The following PACRG variants were observed in gnomAD, a reference collection of about 807,000 sequenced individuals.
PACRG encodes the protein parkin coregulated gene protein.
Under a neutral mutation model 29.7 loss-of-function variants are expected in PACRG, and 29 were observed. The observed-to-expected ratio is 0.98, with a 90% CI of 0.73 to 1.33. PACRG has a LOEUF of 1.33. PACRG is among the 40% of genes most tolerant of loss of function. The probability of loss-of-function intolerance (pLI) is 0.00; values close to 1 mark genes in which losing one functional copy is unlikely to be tolerated. For synonymous variants in PACRG, 116 were observed against 118.7 expected, an observed-to-expected ratio of 0.98 and a Z score of 0.15; for missense variants, 279 against 316.2, an observed-to-expected ratio of 0.88 and a Z score of 0.89.
intron 2 of PACRG, among the ~76,000 whole-genome samples, chr6:162,894,974 T>C (rs1434376872): frequency 6.6e-6 from 1 of 152,132 alleles, no homozygotes; most frequent in East Asian, 1.9e-4. Flanking sequence ...AAAAAAGTCA[T>C]TCTACTACAT....
intron 1 of PACRG, among the ~76,000 whole-genome samples, chr6:162,783,481 C>T (rs1784241922): frequency 6.6e-6 from 1 of 151,958 alleles, no homozygotes; most frequent in Non-Finnish European, 1.5e-5. Context: ...ATTATAACTG[C>T]TGTTTTTCAT....
intron 1 of PACRG, among the ~76,000 whole-genome samples, chr6:162,811,751 T>C (rs1786889867): frequency 2.0e-5 from 3 of 152,160 alleles, no homozygotes; most frequent in East Asian, 3.9e-4. Flanking sequence ...ATCCATGCCA[T>C]GGAATACCAT....
At chr6:162,946,414 C>T (rs1799012935) in intron 2 of PACRG, among the ~76,000 whole-genome samples, 1 of 152,086 alleles carries the variant, frequency 6.6e-6, no homozygotes, top group East Asian at 1.9e-4. Flanking sequence ...AATTCCTGGA[C>T]ACATACAGGC....
At chr6:162,832,642 CT>C (rs1402256683) in intron 2 of PACRG, among the ~76,000 whole-genome samples, 1 of 152,106 alleles carries the variant, frequency 6.6e-6, no homozygotes, top group Non-Finnish European at 1.5e-5. Flanking sequence ...AACAATGTAG[CT>C]CACATTATTC....
intron 2 of PACRG, among the ~76,000 whole-genome samples, chr6:162,859,936 T>G (rs1043470469): frequency 4.6e-5 from 7 of 152,120 alleles, no homozygotes; most frequent in Admixed American, 1.3e-4. Flanking sequence ...TAATCCGCCT[T>G]CTGTTATAGT....
intron 2 of PACRG, among the ~76,000 whole-genome samples, chr6:162,833,301 C>T (rs1191990286): frequency 6.6e-6 from 1 of 152,110 alleles, no homozygotes; most frequent in Non-Finnish European, 1.5e-5. Context: ...AATATTCCTT[C>T]TAGCTGTTAA....
chr6:162,733,034 C>T (rs1779893997), intron 1 of PACRG, among the ~76,000 whole-genome samples: 1 of 152,188 alleles, frequency 6.6e-6, no homozygotes, highest in Non-Finnish European at 1.5e-5. Context: ...ACCCTTCTCC[C>T]TACATATCTG....
upstream of PACRG, chr6:162,727,737 C>T: frequency 6.7e-7 from 1 of 1,500,022 alleles, no homozygotes; most frequent in Non-Finnish European, 9.1e-7. Context: ...AGCCGCGCCT[C>T]CCACCAGCGG....
At position 163,149,214 on chromosome 6, in the gene PACRG, C is replaced by T. The variant is rs558974086; in HGVS notation, c.613+59806C>T. Among the ~76,000 whole-genome samples, 265 of 152,148 alleles carry T rather than the reference C, an allele frequency of 1.7e-3. 2 individuals carry two copies. The highest frequency in any genetic ancestry group is 6.0e-3 in the African/African-American group (247 of 41,496). Reference sequence around the variant, plus strand: ...CAGGCCGGTCGGGTGTCCTCACTCCCTCCTTCTCCTGCAGAGCTTCCGGAG... The same window carrying T: ...CAGGCCGGTCGGGTGTCCTCACTCCTTCCTTCTCCTGCAGAGCTTCCGGAG... On this transcript the variant is annotated intron_variant, in intron 4 of 4. Coordinates refer to ENST00000366888, the MANE Select transcript of PACRG (RefSeq NM_001080379.2).
At chr6:163,199,446 T>C (rs1780605847) in intron 4 of PACRG, among the ~76,000 whole-genome samples, 1 of 152,174 alleles carries the variant, frequency 6.6e-6, no homozygotes, top group South Asian at 2.1e-4. Context: ...TCAAGGCTCA[T>C]GACAACCCTA....
intron 1 of PACRG, among the ~76,000 whole-genome samples, chr6:162,741,389 TTCAAGG>T (rs1173271237): frequency 2.0e-5 from 3 of 152,134 alleles, no homozygotes; most frequent in Non-Finnish European, 2.9e-5. Context: ...GACTGGGAAG[TTCAAGG>T]TCAAGGTGCC....
intron 3 of PACRG, among the ~76,000 whole-genome samples, chr6:163,064,952 A>T (rs1554349134): frequency 6.6e-6 from 1 of 152,000 alleles, no homozygotes; most frequent in Non-Finnish European, 1.5e-5. Flanking sequence ...AACTGGGTTG[A>T]TTTCAACAAA....
rs1286335774 is a variant in PACRG, at chr6:162,853,206, A to G, written c.291+38925A>G. ...TGAACGTTTAAAATCTGGAAATTGAACTCCTTAAAATTATTTGCATTTGGG... is the reference window on the plus strand; with the variant it reads ...TGAACGTTTAAAATCTGGAAATTGAGCTCCTTAAAATTATTTGCATTTGGG... On this transcript the variant is annotated intron_variant, in intron 2 of 4. Coordinates refer to ENST00000366888, the MANE Select transcript of PACRG (RefSeq NM_001080379.2). The surrounding 1 kb of genome is among the most constrained non-coding windows in gnomAD (Gnocchi z 4.7). Among the ~76,000 whole-genome samples the G allele has an allele frequency of 1.3e-5, 2 of 152,038 alleles. No individual in the cohort carries two copies. The highest frequency in any genetic ancestry group is 2.9e-5 in the Non-Finnish European group (2 of 68,000).
intron 2 of PACRG, among the ~76,000 whole-genome samples, chr6:162,967,418 A>T (rs1801133380): frequency 6.6e-6 from 1 of 152,160 alleles, no homozygotes; most frequent in African/African-American, 2.4e-5. Flanking sequence ...TAGATATGAA[A>T]TCTATGTCAC....
chr6:162,771,580 C>CT (rs960939335), intron 1 of PACRG, among the ~76,000 whole-genome samples: 25 of 147,466 alleles, frequency 1.7e-4, no homozygotes, highest in African/African-American at 3.2e-4. Context: ...GTATTTTGTA[C>CT]TTTTTTTTTT....
chr6:163,180,249 G>T lies in PACRG; in HGVS notation c.613+90841G>T, dbSNP rs80227520. Reference sequence around the variant, plus strand: ...ACTTCTCCAGTAGAAAGCCAGGAGTGAGTCCCTCACCGAGCTGATCCTTGT... The same window carrying T: ...ACTTCTCCAGTAGAAAGCCAGGAGTTAGTCCCTCACCGAGCTGATCCTTGT... On this transcript the variant is annotated intron_variant, in intron 4 of 4. Transcript: ENST00000366888. Among the ~76,000 whole-genome samples the T allele has an allele frequency of 8.9e-3, 1,352 of 152,296 alleles. 22 individuals are homozygous for T. The highest frequency in any genetic ancestry group is 0.031 in the African/African-American group (1,307 of 41,546).
chr6:162,740,531 T>C (rs997207156), intron 1 of PACRG, among the ~76,000 whole-genome samples: 2 of 151,392 alleles, frequency 1.3e-5, no homozygotes, highest in African/African-American at 4.9e-5. Context: ...TTAGCCAGGA[T>C]GGTCTTGATC....
At chr6:162,988,502 T>C (rs1159413280) in intron 2 of PACRG, among the ~76,000 whole-genome samples, 1 of 152,190 alleles carries the variant, frequency 6.6e-6, no homozygotes, top group Non-Finnish European at 1.5e-5. Context: ...AACAGCCACA[T>C]AGCTGTTTTG....
intron 2 of PACRG, among the ~76,000 whole-genome samples, chr6:162,867,627 A>G (rs1792410856): frequency 6.6e-6 from 1 of 152,222 alleles, no homozygotes; most frequent in Admixed American, 6.5e-5. Flanking sequence ...CCAAACGAAA[A>G]GAACTATCCG....
Sources: gnomAD v4.1 joint callset for allele counts (sites outside exome capture counted in the v4.1 genomes callset) on GRCh38, gnomAD v4.1.1 for gene constraint, Gnocchi (gnomAD v3.1) non-coding constraint, MANE v1.5 for transcripts, NCBI Gene and HGNC (gene_info 2026-07-23, HGNC 2026-07-21) for gene names.